Variants in TRIM72 observed in about 807,000 individuals in gnomAD.
TRIM72 encodes the protein tripartite motif-containing protein 72.
A neutral mutation model predicts 31.6 loss-of-function variants in TRIM72; 33 were observed. The observed-to-expected ratio is 1.04, with a 90% confidence interval of 0.79 to 1.40. The LOEUF (loss-of-function observed/expected upper bound fraction) is 1.40. TRIM72 is among the 40% of genes most tolerant of loss of function. The probability of loss-of-function intolerance (pLI) is 0.00; values close to 1 mark genes in which losing one functional copy is unlikely to be tolerated. For missense variants in TRIM72, 666 were observed against 682.7 expected (o/e 0.98, Z 0.27); for synonymous variants, 301 against 314.4 (o/e 0.96, Z 0.45).
chr16:31,228,176 C>T lies in TRIM72; in HGVS notation c.*3421C>T, dbSNP rs900304426. On this transcript the variant is annotated 3_prime_UTR_variant, in exon 7 of 7. Transcript: ENST00000322122. The stretch of plus-strand genomic sequence containing the variant: ...ATGTTGGCCAGCCTGGTCTCGAACT[C>T]CTGACCTCAGGGGATCCCCCAACTC... 1 of 152,156 alleles carries T rather than the reference C, an allele frequency of 6.6e-6. No individual in the cohort carries two copies. The highest frequency in any genetic ancestry group is 6.6e-5 in the Admixed American group (1 of 15,262). The allele number at this position is 152,156 out of a possible 1,614,324, so 9.4% of individuals were successfully genotyped here. A position where few individuals can be genotyped will look rare whatever the true frequency, so the allele number is the denominator to read the frequency against.
intron 2 of TRIM72, chr16:31,217,142 G>T: frequency 1.8e-6 from 2 of 1,140,722 alleles, no homozygotes; most frequent in Non-Finnish European, 2.5e-6. Context: ...GACTGATCTG[G>T]CAGCTCCTAT....
In TRIM72 at chr16:31,214,717, T is replaced by G; in HGVS notation, c.-7-15T>G. 6.4e-7 allele frequency: 1 copy of G among 1,551,996 alleles called. No homozygotes were observed. Among genetic ancestry groups the G allele is most frequent in the Non-Finnish European group, 8.6e-7 (1 of 1,160,774 alleles). On this transcript the variant is annotated splice_polypyrimidine_tract_variant and intron_variant, in intron 1 of 6. Transcript: ENST00000322122. Reference sequence around the variant, plus strand: ...GCGCCGCGGGGTCCCCCTAACCTACTCCTCCTCCACCCAGGCCCGCCATGT... The same window carrying G: ...GCGCCGCGGGGTCCCCCTAACCTACGCCTCCTCCACCCAGGCCCGCCATGT...
intron 5 of TRIM72, among the ~76,000 whole-genome samples, chr16:31,221,723 G>A (rs1417384161): frequency 1.4e-5 from 2 of 139,332 alleles, no homozygotes. Context: ...CGGGGAGAAA[G>A]GCATTGCTGG....
chr16:31,221,034 C>T, intron 5 of TRIM72, 116 bp downstream of exon 5: 3 of 1,283,142 alleles, frequency 2.3e-6, no homozygotes, highest in Non-Finnish European at 2.3e-6. Context: ...AGTCTGCTGC[C>T]CCACCCCTGC....
intron 2 of TRIM72, among the ~76,000 whole-genome samples, chr16:31,217,772 G>A (rs1214509917): frequency 2.0e-5 from 3 of 152,036 alleles, no homozygotes; most frequent in African/African-American, 7.2e-5. Flanking sequence ...TTGCCACAGC[G>A]CCCAGGTAAT....
intron 5 of TRIM72, among the ~76,000 whole-genome samples, chr16:31,222,601 G>A (rs2079538941): frequency 1.3e-5 from 2 of 149,336 alleles, no homozygotes; most frequent in Admixed American, 6.8e-5. Context: ...ACTCTACCTC[G>A]CTCATTTTAA....
At position 31,216,941 on chromosome 16, in the gene TRIM72, C is replaced by T. The variant is rs375073317; in HGVS notation, c.390+1813C>T. The T allele has an allele frequency of 1.4e-5, 23 of 1,614,034 alleles. No homozygotes were observed. Among genetic ancestry groups the T allele is most frequent in the Non-Finnish European group, 1.9e-5 (23 of 1,180,034 alleles). ...CGCTCAAAGCCCTCGCGCAGCGGCA[C>T]CGTCCCCAGCTTCATCTTGAACTTC... On this transcript the variant is annotated intron_variant, in intron 2 of 6. Coordinates refer to ENST00000322122, the MANE Select transcript of TRIM72 (RefSeq NM_001008274.4). This position sits in a 1 kb window ranked among gnomAD's most constrained non-coding sequence, Gnocchi z 6.7.
At chr16:31,217,825 G>A (rs989812180) in intron 2 of TRIM72, among the ~76,000 whole-genome samples, 5 of 152,160 alleles carry the variant, frequency 3.3e-5, no homozygotes, top group Middle Eastern at 3.4e-3. Context: ...ATCTTGGTCT[G>A]GCTGGCCTTG....
chr16:31,222,721 A>G, intron 5 of TRIM72, 106 bp from the exon 6 acceptor site: 4 of 606,638 alleles, frequency 6.6e-6, no homozygotes, highest in Non-Finnish European at 1.1e-5. Context: ...CCAAAACTCC[A>G]AAGGAAGAGT....
rs1476994778 is a variant in TRIM72, at chr16:31,230,687, C to T, written c.*5932C>T. 1 of 129,878 alleles carries T rather than the reference C, an allele frequency of 7.7e-6. No homozygotes were observed. Among genetic ancestry groups the T allele is most frequent in the African/African-American group, 2.8e-5 (1 of 35,206 alleles). 8.0% of individuals were successfully genotyped at this position (129,878 alleles called of 1,614,324 possible). On this transcript the variant is annotated 3_prime_UTR_variant, in exon 7 of 7. Transcript: ENST00000322122. ...CTTGCAGTGAGCCGAGATGGCGCCA[C>T]TACACTCCAGCCTGGGTGACAGAGC...
chr16:31,227,002 G>A lies in TRIM72; in HGVS notation c.*2247G>A, dbSNP rs2079557060. ...CTGGCAGGGGAAGGCGGCACACCTG[G>A]GTGTGTCTCCCAGAGGAAGGCCTGT... is the stretch of plus-strand genomic sequence containing the variant. On this transcript the variant is annotated 3_prime_UTR_variant, in exon 7 of 7. Transcript: ENST00000322122. 6.6e-6 allele frequency: 1 copy of A among 152,310 alleles called. No homozygotes were observed. The highest frequency in any genetic ancestry group is 1.5e-5 in the Non-Finnish European group (1 of 68,114). 9.4% of individuals were successfully genotyped at this position (152,310 alleles called of 1,614,324 possible). A position where few individuals can be genotyped will look rare whatever the true frequency, so the allele number is the denominator to read the frequency against.
chr16:31,218,884 G>A (rs967416565), intron 2 of TRIM72, among the ~76,000 whole-genome samples: 2 of 151,956 alleles, frequency 1.3e-5, no homozygotes, highest in Non-Finnish European at 2.9e-5. Flanking sequence ...ATAAAAAACC[G>A]CACCAAAATA....
intron 2 of TRIM72, chr16:31,217,387 G>A (rs2079515120): frequency 4.7e-6 from 1 of 210,802 alleles, no homozygotes; most frequent in Non-Finnish European, 9.4e-6. Flanking sequence ...CATGCTTGTA[G>A]TGCCAGCTAC....
chr16:31,220,935 C>A lies in TRIM72; in HGVS notation c.740+17C>A, dbSNP rs113945687. On this transcript the variant is annotated intron_variant, in intron 5 of 6. Coordinates refer to ENST00000322122, the MANE Select transcript of TRIM72 (RefSeq NM_001008274.4). ...GACCAGCAGGTGAGAGCAACCTGGCCCTGTCCCTTTGCCCGACTTGTCCCA... is the reference window on the plus strand; with the variant it reads ...GACCAGCAGGTGAGAGCAACCTGGCACTGTCCCTTTGCCCGACTTGTCCCA... The A allele has an allele frequency of 2.6e-3, 4,135 of 1,614,142 alleles. 94 individuals carry two copies. The African/African-American group carries it at 0.049, about 19-fold the overall frequency.
rs761306791 is a variant in TRIM72, at chr16:31,219,303, G to C, written c.501G>C (p.Gln167His). 1.9e-6 allele frequency: 3 copies of C among 1,614,210 alleles called. No individual in the cohort carries two copies. The highest frequency in any genetic ancestry group is 2.5e-6 in the Non-Finnish European group (3 of 1,180,034). ...CATCCCTGCAGGAGACAGTGCGTCAGTTCCGGGGGGCCGTGGGGGAGCAGC... is the reference window on the plus strand; with the variant it reads ...CATCCCTGCAGGAGACAGTGCGTCACTTCCGGGGGGCCGTGGGGGAGCAGC... ...QLVEVEETVR[Q>H]FRGAVGEQLG... The change falls in exon 4 of 7, where the codon CAG becomes CAC. Residue 167 changes from glutamine to histidine, a missense_variant. Gln to His is a conservative substitution (Grantham distance 24). Coordinates refer to ENST00000322122, the MANE Select transcript of TRIM72 (RefSeq NM_001008274.4). This position sits in a 1 kb window ranked among gnomAD's most constrained non-coding sequence, Gnocchi z 4.2.
chr16:31,221,605 T>TTGC (rs2079534304), intron 5 of TRIM72, among the ~76,000 whole-genome samples: 1 of 102,030 alleles, frequency 9.8e-6, no homozygotes, highest in Admixed American at 1.2e-4. Flanking sequence ...GAGAAGGGCA[T>TTGC]TGGGAGAAGG....
At chr16:31,222,482 C>CTTCTTTTT (rs1555512074) in intron 5 of TRIM72, among the ~76,000 whole-genome samples, 2 of 117,982 alleles carry the variant, frequency 1.7e-5, no homozygotes, top group Non-Finnish European at 3.3e-5. Context: ...TCTTCTTCTT[C>CTTCTTTTT]TTTTTTTTTT....
Position 31,219,312 on chromosome 16 carries a change from G to C in TRIM72, c.510G>C (p.Gly170=). 1 of 1,614,186 alleles carries C rather than the reference G, an allele frequency of 6.2e-7. No individual in the cohort carries two copies. Among genetic ancestry groups the C allele is most frequent in the Non-Finnish European group, 8.5e-7 (1 of 1,180,032 alleles). The change falls in exon 4 of 7, where the codon GGG becomes GGC. Residue 170 remains glycine, a synonymous_variant. Coordinates refer to ENST00000322122, the MANE Select transcript of TRIM72 (RefSeq NM_001008274.4). The surrounding 1 kb of genome is among the most constrained non-coding windows in gnomAD (Gnocchi z 4.2). Reference sequence around the variant, plus strand: ...AGGAGACAGTGCGTCAGTTCCGGGGGGCCGTGGGGGAGCAGCTGGGCAAGA... The same window carrying C: ...AGGAGACAGTGCGTCAGTTCCGGGGCGCCGTGGGGGAGCAGCTGGGCAAGA... ...EVEETVRQFR[G]AVGEQLGKMR... is the part of the protein sequence containing the mutation.
In TRIM72 at chr16:31,215,076, C is replaced by G. The variant is rs1177930934; in HGVS notation, c.338C>G (p.Ser113Trp). 2.1e-5 allele frequency: 30 copies of G among 1,454,968 alleles called. No individual in the cohort carries two copies. The highest frequency in any genetic ancestry group is 2.5e-5 in the Non-Finnish European group (28 of 1,113,612). 90.1% of individuals were successfully genotyped at this position (1,454,968 alleles called of 1,614,324 possible). A position where few individuals can be genotyped will look rare whatever the true frequency, so the allele number is the denominator to read the frequency against. The change falls in exon 2 of 7, where the codon TCG becomes TGG. Residue 113 changes from serine to tryptophan, a missense_variant. Ser to Trp is a radical substitution (Grantham distance 177). Transcript: ENST00000322122. This position sits in a 1 kb window ranked among gnomAD's most constrained non-coding sequence, Gnocchi z 6.3. ...TGCGGAGTGTGCGCCTCACTCGGCT[C>G]GCACCGCGGTCATCGCCTCCTGCCT... The part of the protein sequence containing the change: ...LVCGVCASLG[S>W]HRGHRLLPAA...
Sources: gnomAD v4.1 joint callset for allele counts (sites outside exome capture counted in the v4.1 genomes callset) on GRCh38, gnomAD v4.1.1 for gene constraint, Gnocchi (gnomAD v3.1) non-coding constraint, MANE v1.5 for transcripts, NCBI Gene and HGNC (gene_info 2026-07-23, HGNC 2026-07-21) for gene names.